The following NSD1 variants were observed in gnomAD, a reference collection of about 807,000 sequenced individuals.
NSD1 encodes nuclear receptor binding SET domain protein 1.
In NSD1, 26 loss-of-function variants were observed where a neutral mutation model predicts 242.7. The ratio of observed to expected loss-of-function variants is 0.11; its 90% CI spans 0.08 to 0.15. NSD1 has a LOEUF of 0.15. NSD1 is among the 10% of genes least tolerant of loss of function. The pLI is 1.00. For missense variants in NSD1, 2,495 were observed against 3,272.8 expected (o/e 0.76, Z 5.80); for synonymous variants, 1,106 against 1,178.1 (o/e 0.94, Z 1.25).
chr5:177,209,740 C>G lies in NSD1; in HGVS notation c.1341C>G (p.Ile447Met). ...ACCGAAAATGTATTCCTGGTTCAATCAAGTTGGACAGTGAAGAAGATATGC... is the reference window on the plus strand; with the variant it reads ...ACCGAAAATGTATTCCTGGTTCAATGAAGTTGGACAGTGAAGAAGATATGC... ...SKNRKCIPGS[I>M]KLDSEEDMPF... Residue 447 changes from isoleucine (I) to methionine (M), a missense_variant, in exon 5 of 23, where the codon ATC becomes ATG. Around this residue, in one of 19 missense-constraint regions of NSD1, gnomAD observed 515 missense variants for 467.0 expected, o/e 1.10. Transcript: ENST00000439151. 7 of 1,614,072 alleles carry G rather than the reference C, an allele frequency of 4.3e-6. No homozygotes were observed. Among genetic ancestry groups the G allele is most frequent in the Non-Finnish European group, 5.9e-6 (7 of 1,179,984 alleles).
chr5:177,251,866 T>A lies in NSD1; in HGVS notation c.4765+13T>A. On this transcript the variant is annotated intron_variant, in intron 12 of 22. Coordinates refer to ENST00000439151, the MANE Select transcript of NSD1 (RefSeq NM_022455.5). ...GAATGTCGCACAGGTAAAGTAGATA[T>A]CGAACGGTCTTCCTCCAAAGAAAGT... is the stretch of plus-strand genomic sequence containing the variant. 1.2e-6 allele frequency: 2 copies of A among 1,614,116 alleles called. No individual in the cohort carries two copies. Among genetic ancestry groups the A allele is most frequent in the Non-Finnish European group, 1.7e-6 (2 of 1,179,980 alleles).
chr5:177,194,425 G>A (rs1402148479), intron 3 of NSD1, among the ~76,000 whole-genome samples: 2 of 148,084 alleles, frequency 1.4e-5, no homozygotes, highest in South Asian at 4.2e-4. Context: ...GCACAGACGT[G>A]TGCCACCACA....
chr5:177,190,923 T>C (rs1240920682), intron 2 of NSD1, among the ~76,000 whole-genome samples: 2 of 149,658 alleles, frequency 1.3e-5, no homozygotes, highest in Non-Finnish European at 3.0e-5. Flanking sequence ...CGCCTCGGCC[T>C]CCCAAAGTGC....
Position 177,294,809 on chromosome 5 carries a change from G to A in NSD1, c.7441G>A (p.Glu2481Lys), listed in dbSNP as rs1297747587. Residue 2481 changes from glutamate (E) to lysine (K), a missense_variant, in exon 23 of 23, where the codon GAG becomes AAG. Around this residue, in one of 19 missense-constraint regions of NSD1, gnomAD observed 475 missense variants for 563.7 expected, o/e 0.84. Coordinates refer to ENST00000439151, the MANE Select transcript of NSD1 (RefSeq NM_022455.5). ...SPHQVTPQAD[E>K]KMPVLESSSW... ...TCATCAGGTCACACCACAGGCTGAT[G>A]AGAAGATGCCAGTGTTGGAGTCAAG... 6.2e-7 allele frequency: 1 copy of A among 1,612,906 alleles called. No homozygotes were observed. The highest frequency in any genetic ancestry group is 8.5e-7 in the Non-Finnish European group (1 of 1,180,044).
chr5:177,178,295 C>T (rs992525918), intron 2 of NSD1, among the ~76,000 whole-genome samples: 5 of 151,632 alleles, frequency 3.3e-5, no homozygotes, highest in East Asian at 1.9e-4. Context: ...GGCGGGATCT[C>T]GGCTCACCAC....
intron 12 of NSD1, 104 bp from the exon 13 acceptor site, chr5:177,256,847 A>G: frequency 1.1e-6 from 1 of 917,240 alleles, no homozygotes; most frequent in South Asian, 1.4e-5. Context: ...ACGATGTCAA[A>G]CCGATCAGTC....
Position 177,213,613 on chromosome 5 carries a change from G to A in NSD1, c.3796+1418G>A, listed in dbSNP as rs547959313. Among the ~76,000 whole-genome samples, 334 of 152,152 alleles carry A rather than the reference G, an allele frequency of 2.2e-3. 1 individual carries two copies. The highest frequency in any genetic ancestry group is 7.8e-3 in the African/African-American group (323 of 41,510). On this transcript the variant is annotated intron_variant, in intron 5 of 22. Coordinates refer to ENST00000439151, the MANE Select transcript of NSD1 (RefSeq NM_022455.5). ...CTCCTGAGTAGCTGGGACTACAGGC[G>A]CCCGCCACCACACCCAGCTAATTTT...
At chr5:177,268,675 A>G (rs867976878) in intron 15 of NSD1, among the ~76,000 whole-genome samples, 2 of 152,066 alleles carry the variant, frequency 1.3e-5, no homozygotes, top group Non-Finnish European at 2.9e-5. Context: ...ACTGTACTCA[A>G]TTCTAGGTTT....
intron 5 of NSD1, among the ~76,000 whole-genome samples, chr5:177,232,920 C>T (rs778949872): frequency 4.1e-4 from 62 of 152,132 alleles, no homozygotes; most frequent in Non-Finnish European, 5.6e-4. Context: ...GACTGACCAC[C>T]ATGTATGATG....
At chr5:177,266,743 T>A in intron 14 of NSD1, 2 of 262,702 alleles carry the variant, frequency 7.6e-6, no homozygotes, top group Non-Finnish European at 7.2e-6. Context: ...AAACTTGGAA[T>A]TACATGTTTG....
intron 2 of NSD1, among the ~76,000 whole-genome samples, chr5:177,157,556 C>T (rs966551446): frequency 6.6e-5 from 10 of 151,636 alleles, no homozygotes; most frequent in East Asian, 1.9e-4. Context: ...AAAATTAGCC[C>T]GGTGTGGTGG....
At chr5:177,173,017 C>T (rs538631779) in intron 2 of NSD1, among the ~76,000 whole-genome samples, 2 of 149,994 alleles carry the variant, frequency 1.3e-5, no homozygotes, top group East Asian at 2.0e-4. Flanking sequence ...TAAATTAAGC[C>T]GGGCGCGGTG....
chr5:177,265,849 C>T, intron 14 of NSD1: 1 of 1,432,062 alleles, frequency 7.0e-7, no homozygotes, highest in Non-Finnish European at 9.9e-7. Flanking sequence ...CCTGGGTGTG[C>T]ACGTAGTCAT....
chr5:177,241,342 CA>C (rs755867773), intron 8 of NSD1, among the ~76,000 whole-genome samples: 3,295 of 128,556 alleles, frequency 0.026, 93 homozygotes, highest in African/African-American at 0.075. Context: ...ACTAATAATA[CA>C]AAAAAAAAAA....
At chr5:177,266,353 C>A in intron 14 of NSD1, 1 of 701,018 alleles carries the variant, frequency 1.4e-6, no homozygotes. Flanking sequence ...TGCCGATGAC[C>A]TTGCGGGCCC....
intron 13 of NSD1, among the ~76,000 whole-genome samples, chr5:177,258,020 G>A (rs533968686): frequency 8.8e-5 from 7 of 79,420 alleles, no homozygotes; most frequent in East Asian, 3.9e-4. Context: ...CGCTTTTGTT[G>A]CCTGGGCTAG....
chr5:177,141,319 C>CTT lies in NSD1; in HGVS notation c.927+5317_927+5318dup, dbSNP rs567992731. ...ACAGGCGTGAGCCACCGCGCGCAGC[C>CTT]TTTTTTTTTTTTTTTTTTTTTTTTT... On this transcript the variant is annotated intron_variant, in intron 2 of 22. Coordinates refer to ENST00000439151, the MANE Select transcript of NSD1 (RefSeq NM_022455.5). Among the ~76,000 whole-genome samples the CTT allele has an allele frequency of 4.9e-4, 48 of 97,030 alleles. 5 individuals carry two copies. Among genetic ancestry groups the CTT allele is most frequent in the African/African-American group, 1.2e-3 (21 of 17,010 alleles). The allele number at this position is 97,030 out of a possible 152,430, so 63.7% of individuals were successfully genotyped here.
At chr5:177,219,702 C>T (rs554445808) in intron 5 of NSD1, among the ~76,000 whole-genome samples, 101 of 152,222 alleles carry the variant, frequency 6.6e-4, no homozygotes, top group Middle Eastern at 3.4e-3. Context: ...TGGCAGCTTA[C>T]GCCTGTAATC....
chr5:177,235,960 T>G lies in NSD1; in HGVS notation c.3921+15T>G, dbSNP rs370319824. On this transcript the variant is annotated intron_variant, in intron 6 of 22. Transcript: ENST00000439151. ...AGGTGCACAAGGTATGTTGCAAAATTTCAGCAAACTTTCACTGGTCCTTAG... is the reference window on the plus strand; with the variant it reads ...AGGTGCACAAGGTATGTTGCAAAATGTCAGCAAACTTTCACTGGTCCTTAG... 1 of 1,613,636 alleles carries G rather than the reference T, an allele frequency of 6.2e-7. No individual in the cohort carries two copies. The highest frequency in any genetic ancestry group is 1.1e-5 in the South Asian group (1 of 91,058).
Sources: allele counts gnomAD v4.1 joint callset (sites outside exome capture counted in the v4.1 genomes callset), GRCh38; gene constraint gnomAD v4.1.1; regional missense constraint gnomAD v4.1.1; transcripts MANE v1.5; gene names NCBI Gene and HGNC (gene_info 2026-07-23, HGNC 2026-07-21).